RRM1: variants seen among roughly 807,000 people sequenced by gnomAD.
RRM1 encodes ribonucleoside-diphosphate reductase large subunit.
A neutral mutation model predicts 101.5 loss-of-function variants in RRM1; 19 were observed. That is an observed-to-expected ratio of 0.19 (90% CI 0.13 to 0.27). The LOEUF (loss-of-function observed/expected upper bound fraction) is 0.27, where lower values mean the gene tolerates loss of function less well. Among genes scored for constraint, RRM1 ranks in the 10% least tolerant of loss-of-function variants. The pLI, the probability that RRM1 is intolerant of heterozygous loss-of-function variation, is 1.00. For missense variants in RRM1, 500 were observed against 962.9 expected (o/e 0.52, Z 6.36); for synonymous variants, 298 against 323.4 (o/e 0.92, Z 0.84).
At chr11:4,116,415 A>G (rs2094573444) in intron 7 of RRM1, 1 of 152,242 alleles carries the variant, frequency 6.6e-6, no homozygotes, top group Non-Finnish European at 1.5e-5. Flanking sequence ...AACATGGCGA[A>G]ACCCTGTCTT....
chr11:4,124,794 A>G (rs2094586905), intron 12 of RRM1, among the ~76,000 whole-genome samples: 1 of 151,598 alleles, frequency 6.6e-6, no homozygotes, highest in Non-Finnish European at 1.5e-5. Context: ...AAATTGAGCT[A>G]TAATTCACTC....
intron 1 of RRM1, among the ~76,000 whole-genome samples, chr11:4,097,784 CAA>C (rs2133282501): frequency 6.6e-6 from 1 of 152,166 alleles, no homozygotes; most frequent in South Asian, 2.1e-4. Flanking sequence ...ATAACAAGGG[CAA>C]CTGGAAGTTG....
intron 5 of RRM1, among the ~76,000 whole-genome samples, chr11:4,110,872 C>T (rs562233331): frequency 2.0e-4 from 31 of 151,936 alleles, no homozygotes; most frequent in African/African-American, 7.5e-4. Flanking sequence ...ATATGTTGCT[C>T]ATTTAATCCC....
At chr11:4,099,544 T>A (rs191133258) in intron 1 of RRM1, 4 of 151,984 alleles carry the variant, frequency 2.6e-5, no homozygotes, top group African/African-American at 9.7e-5. Flanking sequence ...GAGTTAGATG[T>A]ATGGAAAGGT....
intron 17 of RRM1, 114 bp downstream of exon 17, chr11:4,133,772 CT>C (rs1046822879): frequency 1.6e-6 from 1 of 615,102 alleles, no homozygotes; most frequent in African/African-American, 1.8e-5. Context: ...CTAGGTTTTG[CT>C]TGTGTAGCTC....
At chr11:4,121,553 T>G in intron 9 of RRM1, 51 bp from the exon 10 acceptor site, 1 of 1,465,938 alleles carries the variant, frequency 6.8e-7, no homozygotes, top group Non-Finnish European at 9.2e-7. Flanking sequence ...GACATGATGT[T>G]TCTTTGTTTC....
chr11:4,102,756 G>T (rs1460338348), intron 2 of RRM1, among the ~76,000 whole-genome samples: 3 of 152,004 alleles, frequency 2.0e-5, no homozygotes, highest in African/African-American at 7.2e-5. Flanking sequence ...TATGTAAAAA[G>T]ATTTAAGTAA....
chr11:4,101,830 G>A, intron 1 of RRM1, 163 bp from the exon 2 acceptor site: 1 of 590,838 alleles, frequency 1.7e-6, no homozygotes, highest in Non-Finnish European at 3.0e-6. Flanking sequence ...CATCAGAGAA[G>A]ACAATCTCTT....
intron 17 of RRM1, 81 bp downstream of exon 17, chr11:4,133,739 GAGAA>G: frequency 3.9e-6 from 3 of 761,400 alleles, no homozygotes; most frequent in Non-Finnish European, 6.7e-6. Context: ...AGACAATGGA[GAGAA>G]TGACTTCATT....
At chr11:4,107,657 T>C in intron 4 of RRM1, 122 bp downstream of exon 4, 1 of 623,562 alleles carries the variant, frequency 1.6e-6, no homozygotes, top group Admixed American at 3.0e-5. Context: ...CCTACCCTGA[T>C]TCCTGATTTT....
In RRM1 at chr11:4,101,972, TA is replaced by T; in HGVS notation, c.20-19del. 7.6e-7 allele frequency: 1 copy of T among 1,307,766 alleles called. No individual in the cohort carries two copies. The highest frequency in any genetic ancestry group is 1.1e-6 in the Non-Finnish European group (1 of 911,242). 81.0% of individuals were successfully genotyped at this position (1,307,766 alleles called of 1,614,324 possible). A position where few individuals can be genotyped will look rare whatever the true frequency, so the allele number is the denominator to read the frequency against. ...TTGCTAACATGAATTTAATAATTGC[TA>T]ACATGATTTGATTCTTTAGATGGCC... On this transcript the variant is annotated intron_variant, in intron 1 of 18. Coordinates refer to ENST00000300738, the MANE Select transcript of RRM1 (RefSeq NM_001033.5).
At chr11:4,100,859 G>C (rs1465620085) in intron 1 of RRM1, among the ~76,000 whole-genome samples, 2 of 151,964 alleles carry the variant, frequency 1.3e-5, no homozygotes, top group African/African-American at 4.8e-5. Flanking sequence ...GACTGATTGT[G>C]TTTTGTGGCT....
intron 1 of RRM1, among the ~76,000 whole-genome samples, chr11:4,095,592 T>A (rs562469746): frequency 1.3e-5 from 2 of 152,170 alleles, no homozygotes; most frequent in South Asian, 4.2e-4. Context: ...GAGTGTGGCG[T>A]GGAAAAAACA....
Position 4,094,941 on chromosome 11 carries a change from T to G in RRM1, c.-72T>G. 6.5e-7 allele frequency: 1 copy of G among 1,527,414 alleles called. No homozygotes were observed. Among genetic ancestry groups the G allele is most frequent in the South Asian group, 1.2e-5 (1 of 83,590 alleles). 94.6% of individuals were successfully genotyped at this position (1,527,414 alleles called of 1,614,324 possible). ...ACCTAACCCTTCCCACTCTGTCACC[T>G]TCTCGATCCCGCCGGCGCTTTAGAG... On this transcript the variant is annotated 5_prime_UTR_variant, in exon 1 of 19. Transcript: ENST00000300738.
Position 4,111,628 on chromosome 11 carries a change from A to G in RRM1, c.475A>G (p.Ile159Val). ...KTLERSYLLK[I>V]NGKVAERPQH... ...GCTAGAGCGGTCTTATTTGTTGAAG[A>G]TCAATGGAAAAGGTGAGAAATGAAC... The change falls in exon 6 of 19, where the codon ATC becomes GTC. Residue 159 changes from isoleucine (I) to valine (V), a missense_variant. Physicochemically the swap from Ile to Val is conservative, Grantham distance 29 (BLOSUM62 3). Around this residue, in one of 9 missense-constraint regions of RRM1, gnomAD observed 111 missense variants for 219.8 expected, o/e 0.51. Coordinates refer to ENST00000300738, the MANE Select transcript of RRM1 (RefSeq NM_001033.5). The G allele has an allele frequency of 1.2e-6, 2 of 1,604,564 alleles. No individual in the cohort carries two copies. Among genetic ancestry groups the G allele is most frequent in the Non-Finnish European group, 1.7e-6 (2 of 1,175,118 alleles).
At chr11:4,101,565 C>CCA (rs1164061364) in intron 1 of RRM1, among the ~76,000 whole-genome samples, 1 of 32,228 alleles carries the variant, frequency 3.1e-5, no homozygotes, top group African/African-American at 5.3e-5. Flanking sequence ...CCACACCCCC[C>CCA]CCCGCTCCCT....
rs1265513472 is a variant in RRM1 at position 4,135,149 on chromosome 11, C to G, written c.2069C>G (p.Thr690Ser). The change falls in exon 18 of 19, where the codon ACT (threonine) becomes AGT (serine). Residue 690 changes from threonine to serine, a missense_variant. By Grantham distance (58) the Thr-to-Ser change is moderately conservative. Transcript: ENST00000300738. ...ACTGTGTGGGAAATCTCTCAGAAAACTGTTCTCAAGATGGCAGCTGAGAGA... is the reference window on the plus strand; with the variant it reads ...ACTGTGTGGGAAATCTCTCAGAAAAGTGTTCTCAAGATGGCAGCTGAGAGA... The part of the protein sequence containing the change: ...YKTVWEISQK[T>S]VLKMAAERGA... 1 of 1,613,786 alleles carries G rather than the reference C, an allele frequency of 6.2e-7. No individual in the cohort carries two copies. The highest frequency in any genetic ancestry group is 8.5e-7 in the Non-Finnish European group (1 of 1,179,816).
intron 9 of RRM1, among the ~76,000 whole-genome samples, chr11:4,121,139 C>A (rs901772948): frequency 9.2e-5 from 14 of 152,318 alleles, no homozygotes; most frequent in African/African-American, 3.4e-4. Flanking sequence ...TAGAGTCTGC[C>A]TTTTGTGACT....
intron 1 of RRM1, among the ~76,000 whole-genome samples, chr11:4,101,185 G>C (rs952727090): frequency 6.6e-6 from 1 of 152,106 alleles, no homozygotes; most frequent in Admixed American, 6.6e-5. Context: ...TGATGACATT[G>C]AGCAAAAGAC....
Sources: allele counts gnomAD v4.1 joint callset (sites outside exome capture counted in the v4.1 genomes callset), GRCh38; gene constraint gnomAD v4.1.1; regional missense constraint gnomAD v4.1.1; transcripts MANE v1.5; gene names NCBI Gene and HGNC (gene_info 2026-07-23, HGNC 2026-07-21).